The following ALDH6A1 variants were observed in gnomAD, a reference collection of about 807,000 sequenced individuals.
The protein encoded by ALDH6A1 is methylmalonate-semialdehyde/malonate-semialdehyde dehydrogenase [acylating], mitochondrial.
A neutral mutation model predicts 62.6 loss-of-function variants in ALDH6A1; 43 were observed. The observed-to-expected ratio is 0.69, with a 90% confidence interval of 0.54 to 0.89. The LOEUF (loss-of-function observed/expected upper bound fraction) is 0.89. Among genes scored for constraint, ALDH6A1 ranks in the 40% least tolerant of loss-of-function variants. ALDH6A1 has a pLI of 0.00. For missense variants in ALDH6A1, 551 were observed against 661.3 expected (o/e 0.83, Z 1.83); for synonymous variants, 194 against 234.2 (o/e 0.83, Z 1.57).
Position 74,065,192 on chromosome 14 carries a change from C to A in ALDH6A1, c.1393G>T (p.Asp465Tyr). Residue 465 changes from aspartate (D) to tyrosine (Y), a missense_variant, in exon 10 of 12, where the codon GAT (aspartate) becomes TAT (tyrosine). Asp to Tyr is a radical substitution (Grantham distance 160). Transcript: ENST00000553458. ...TTCTGTTCACGAACCTGTCCAACAT[C>A]CACCAAGTGGGCATATTTCCGAGCA... ...ATARKYAHLV[D>Y]VGQVGVNVPI... 1.2e-6 allele frequency: 2 copies of A among 1,614,144 alleles called. No homozygotes were observed. The highest frequency in any genetic ancestry group is 1.7e-6 in the Non-Finnish European group (2 of 1,180,016).
In ALDH6A1 at chr14:74,081,647, G is replaced by C. The variant is rs139281012; in HGVS notation, c.48+2700C>G. Among the ~76,000 whole-genome samples the C allele has an allele frequency of 2.0e-3, 301 of 152,086 alleles. 2 individuals carry two copies. Among genetic ancestry groups the C allele is most frequent in the African/African-American group, 6.9e-3 (288 of 41,476 alleles). On this transcript the variant is annotated intron_variant, in intron 1 of 11. Coordinates refer to ENST00000553458, the MANE Select transcript of ALDH6A1 (RefSeq NM_005589.4). Reference sequence around the variant, plus strand: ...TCCTACTTGCTATATCCTTTATAAGGAACTCCTTCCTCTCCTGGTTCATGG... The same window carrying C: ...TCCTACTTGCTATATCCTTTATAAGCAACTCCTTCCTCTCCTGGTTCATGG...
intron 8 of ALDH6A1, 87 bp from the exon 9 acceptor site, chr14:74,066,973 T>A: frequency 7.5e-7 from 1 of 1,327,420 alleles, no homozygotes; most frequent in Non-Finnish European, 1.1e-6. Context: ...CCCAAAGCTT[T>A]AGGAGGCCAA....
rs545522891 is a variant in ALDH6A1, at chr14:74,067,409, T to G, written c.1013A>C (p.Glu338Ala). The change falls in exon 8 of 12, where the codon GAG (glutamate) becomes GCG (alanine). Residue 338 changes from glutamate to alanine, a missense_variant. Coordinates refer to ENST00000553458, the MANE Select transcript of ALDH6A1 (RefSeq NM_005589.4). ...EAKKWLPELV[E>A]HAKNLRVNAG... ...ATTGACTCTCAGGTTTTTGGCATGC[T>G]CCACCAGCTCTGGCAGCCACTTCTT... 2.0e-5 allele frequency: 33 copies of G among 1,613,802 alleles called. No individual in the cohort carries two copies. The East Asian group carries it at 3.3e-4, about 16-fold the overall frequency.
chr14:74,076,501 A>G (rs2139807183), intron 1 of ALDH6A1, among the ~76,000 whole-genome samples: 1 of 152,116 alleles, frequency 6.6e-6, no homozygotes, highest in South Asian at 2.1e-4. Flanking sequence ...AGCTCAGATT[A>G]TAGGTGTCTG....
In ALDH6A1 at chr14:74,064,841, G is replaced by A; in HGVS notation, c.1484C>T (p.Thr495Ile). 6.2e-7 allele frequency: 1 copy of A among 1,614,034 alleles called. No homozygotes were observed. The highest frequency in any genetic ancestry group is 8.5e-7 in the Non-Finnish European group (1 of 1,179,982). ...AGTTACCTGTTTGCCATAGAAATTG[G>A]TGTCTCCCCTGAAGGAGGATCGAGA... The part of the protein sequence containing the change: ...TGSRSSFRGD[T>I]NFYGKQGIQF... The change falls in exon 11 of 12, where the codon ACC (threonine) becomes ATC (isoleucine). Residue 495 changes from threonine (T) to isoleucine (I), a missense_variant. Physicochemically the swap from Thr to Ile is moderately conservative, Grantham distance 89 (BLOSUM62 -1). Transcript: ENST00000553458.
rs1009640380 is a variant in ALDH6A1 at position 74,057,945 on chromosome 14, A to G, written c.*2697T>C. 1.0e-6 allele frequency: 1 copy of G among 957,188 alleles called. No individual in the cohort carries two copies. The highest frequency in any genetic ancestry group is 1.2e-6 in the Non-Finnish European group (1 of 801,068). 59.3% of individuals were successfully genotyped at this position (957,188 alleles called of 1,614,324 possible). ...CTTAAATATAAGGAAAATGTTAGGA[A>G]TCTCTGTGACTACATTTAATTCCAC... is the stretch of plus-strand genomic sequence containing the variant. On this transcript the variant is annotated 3_prime_UTR_variant, in exon 12 of 12. Coordinates refer to ENST00000553458, the MANE Select transcript of ALDH6A1 (RefSeq NM_005589.4).
chr14:74,067,274 G>C, intron 8 of ALDH6A1, 106 bp downstream of exon 8: 2 of 1,297,482 alleles, frequency 1.5e-6, no homozygotes, highest in Non-Finnish European at 2.2e-6. Context: ...AGAGGAAATG[G>C]CAAGAATAGA....
At chr14:74,083,211 C>T (rs1035655406) in intron 1 of ALDH6A1, among the ~76,000 whole-genome samples, 4 of 152,278 alleles carry the variant, frequency 2.6e-5, no homozygotes, top group Non-Finnish European at 4.4e-5. Context: ...CTAGAACTCA[C>T]GGAAACCTGG....
At chr14:74,082,006 A>G (rs906924805) in intron 1 of ALDH6A1, among the ~76,000 whole-genome samples, 6 of 152,172 alleles carry the variant, frequency 3.9e-5, no homozygotes, top group Admixed American at 6.5e-5. Context: ...TAAGAGTTCA[A>G]GACCAGCCTG....
chr14:74,070,454 G>T (rs917804342), intron 6 of ALDH6A1, among the ~76,000 whole-genome samples: 2 of 152,098 alleles, frequency 1.3e-5, no homozygotes, highest in African/African-American at 4.8e-5. Flanking sequence ...GGGAGGCAGC[G>T]GGTAGAGTGA....
intron 1 of ALDH6A1, among the ~76,000 whole-genome samples, chr14:74,079,722 G>A (rs926507773): frequency 2.0e-5 from 3 of 152,112 alleles, no homozygotes; most frequent in Admixed American, 6.6e-5. Context: ...GTGAGCCACT[G>A]CGCCTGGCCT....
rs536303913 is a variant in ALDH6A1 at position 74,057,393 on chromosome 14, T to C, written c.*3249A>G. 6.5e-7 allele frequency: 1 copy of C among 1,539,182 alleles called. No individual in the cohort carries two copies. Among genetic ancestry groups the C allele is most frequent in the Non-Finnish European group, 8.7e-7 (1 of 1,144,524 alleles). On this transcript the variant is annotated 3_prime_UTR_variant, in exon 12 of 12. Transcript: ENST00000553458. Reference sequence around the variant, plus strand: ...CAGTGGAATGAGTAATAAATAGCATTAGTAGATTACATAAATTTTTAAAGC... The same window carrying C: ...CAGTGGAATGAGTAATAAATAGCATCAGTAGATTACATAAATTTTTAAAGC...
At position 74,067,434 on chromosome 14, in the gene ALDH6A1, T is replaced by C. The variant is rs771324088; in HGVS notation, c.988A>G (p.Lys330Glu). 1.2e-6 allele frequency: 2 copies of C among 1,614,118 alleles called. No homozygotes were observed. Among genetic ancestry groups the C allele is most frequent in the South Asian group, 1.1e-5 (1 of 91,066 alleles). ...TCCACCAGCTCTGGCAGCCACTTCTTGGCTTCTCCCACAAGGACTGCTGTT... is the reference window on the plus strand; with the variant it reads ...TCCACCAGCTCTGGCAGCCACTTCTCGGCTTCTCCCACAAGGACTGCTGTT... The part of the protein sequence containing the change: ...LSTAVLVGEA[K>E]KWLPELVEHA... Residue 330 changes from lysine (K) to glutamate (E), a missense_variant, in exon 8 of 12, where the codon AAG (lysine) becomes GAG (glutamate). Transcript: ENST00000553458.
At position 74,071,926 on chromosome 14, in the gene ALDH6A1, C is replaced by T; in HGVS notation, c.397G>A (p.Asp133Asn). Residue 133 changes from aspartate (D) to asparagine (N), a missense_variant, in exon 5 of 12, where the codon GAT becomes AAT. By Grantham distance (23) the Asp-to-Asn change is conservative (BLOSUM62 1). Transcript: ENST00000553458. ...CCTCGAAATACATCTCCTTCAGCATCAGCTAGGGTCTTCCCTTGTTCCAAT... is the reference window on the plus strand; with the variant it reads ...CCTCGAAATACATCTCCTTCAGCATTAGCTAGGGTCTTCCCTTGTTCCAAT... Reference protein sequence around the residue: ...ITLEQGKTLADAEGDVFRGLQ... With the variant: ...ITLEQGKTLANAEGDVFRGLQ... 6.2e-7 allele frequency: 1 copy of T among 1,614,228 alleles called. No individual in the cohort carries two copies. The highest frequency in any genetic ancestry group is 1.3e-5 in the African/African-American group (1 of 75,064).
In ALDH6A1 at chr14:74,060,529, G is replaced by A; in HGVS notation, c.*113C>T. The A allele has an allele frequency of 1.2e-6, 1 of 840,706 alleles. No individual in the cohort carries two copies. Among genetic ancestry groups the A allele is most frequent in the South Asian group, 1.4e-5 (1 of 72,612 alleles). The allele number at this position is 840,706 out of a possible 1,614,324, so 52.1% of individuals were successfully genotyped here. Reference sequence around the variant, plus strand: ...GTTAATAGTCCTGAGGAAGATTTTAGTTACAATGTATTCCAATCCCATCGA... The same window carrying A: ...GTTAATAGTCCTGAGGAAGATTTTAATTACAATGTATTCCAATCCCATCGA... On this transcript the variant is annotated 3_prime_UTR_variant, in exon 12 of 12. Coordinates refer to ENST00000553458, the MANE Select transcript of ALDH6A1 (RefSeq NM_005589.4).
intron 11 of ALDH6A1, among the ~76,000 whole-genome samples, chr14:74,061,841 A>T (rs1487226304): frequency 6.6e-6 from 1 of 152,094 alleles, no homozygotes; most frequent in African/African-American, 2.4e-5. Context: ...CATTGTGCAG[A>T]TCTAACACTT....
intron 2 of ALDH6A1, among the ~76,000 whole-genome samples, chr14:74,074,287 A>G (rs1011336258): frequency 1.3e-4 from 18 of 139,214 alleles, no homozygotes; most frequent in African/African-American, 4.8e-4. Flanking sequence ...CCTTTCACTA[A>G]ATTTTTTTTT....
intron 9 of ALDH6A1, 176 bp from the exon 10 acceptor site, chr14:74,065,536 G>T: frequency 1.6e-6 from 1 of 628,790 alleles, no homozygotes; most frequent in Non-Finnish European, 2.8e-6. Context: ...AGTGTATTCC[G>T]TCTTCCAAGT....
intron 11 of ALDH6A1, among the ~76,000 whole-genome samples, chr14:74,064,310 A>AT (rs1566827467): frequency 7.1e-6 from 1 of 140,222 alleles, no homozygotes; most frequent in Non-Finnish European, 1.5e-5. Context: ...AAAAAAAAAA[A>AT]ATAATAATAA....
Sources: gnomAD v4.1 joint callset for allele counts (sites outside exome capture counted in the v4.1 genomes callset) on GRCh38, gnomAD v4.1.1 for gene constraint, MANE v1.5 for transcripts, NCBI Gene and HGNC (gene_info 2026-07-23, HGNC 2026-07-21) for gene names.